C1orf146: variants seen among roughly 807,000 people sequenced by gnomAD.
C1orf146 encodes chromosome 1 open reading frame 146.
Under a neutral mutation model 23.0 loss-of-function variants are expected in C1orf146, and 22 were observed. The observed-to-expected ratio is 0.96, with a 90% CI of 0.68 to 1.36. The LOEUF (loss-of-function observed/expected upper bound fraction) is 1.36. Among genes scored for constraint, C1orf146 ranks in the 40% most tolerant of loss-of-function variants. C1orf146 has a pLI of 0.00. For synonymous variants in C1orf146, 59 were observed against 65.3 expected (o/e 0.90, Z 0.47); for missense variants, 199 against 206.8 (o/e 0.96, Z 0.23).
At chr1:92,242,669 T>C (rs2100749568) in intron 3 of C1orf146, among the ~76,000 whole-genome samples, 1 of 152,344 alleles carries the variant, frequency 6.6e-6, no homozygotes, top group African/African-American at 2.4e-5. Flanking sequence ...TAGAATGTTT[T>C]CCATTAATTT....
Position 92,233,122 on chromosome 1 carries a change from C to T in C1orf146, c.66+1636C>T, listed in dbSNP as rs372562195. 1.5e-4 allele frequency among the ~76,000 whole-genome samples: 23 copies of T among 152,264 alleles called. No individual in the cohort carries two copies. The East Asian group carries it at 1.9e-3, about 13-fold the overall frequency. ...GAAGCTCTTTAGTTTAATTAGATCCCATTTGTCAATTTTGGCTTTTGTTGC... is the reference window on the plus strand; with the variant it reads ...GAAGCTCTTTAGTTTAATTAGATCCTATTTGTCAATTTTGGCTTTTGTTGC... On this transcript the variant is annotated intron_variant, in intron 2 of 5. Transcript: ENST00000370375.
chr1:92,238,760 G>T (rs892536123), intron 2 of C1orf146, among the ~76,000 whole-genome samples: 1 of 152,076 alleles, frequency 6.6e-6, no homozygotes, highest in African/African-American at 2.4e-5. Flanking sequence ...GCTGACTTGT[G>T]TATACCTTAC....
At chr1:92,220,340 A>G (rs1252054762) in intron 1 of C1orf146, among the ~76,000 whole-genome samples, 1 of 152,180 alleles carries the variant, frequency 6.6e-6, no homozygotes. Flanking sequence ...CTGGGTATAT[A>G]CACATACAGT....
chr1:92,224,347 C>T (rs1651913538), intron 1 of C1orf146, among the ~76,000 whole-genome samples: 1 of 152,034 alleles, frequency 6.6e-6, no homozygotes, highest in Non-Finnish European at 1.5e-5. Context: ...CATGCTCGGC[C>T]AGAGAGAAGT....
intron 5 of C1orf146, 133 bp downstream of exon 5, chr1:92,244,990 C>T: frequency 1.8e-6 from 1 of 545,482 alleles, no homozygotes; most frequent in East Asian, 3.0e-5. Flanking sequence ...TTTCAGGGTG[C>T]AACTTTTTCC....
chr1:92,230,971 G>A (rs1011867597), intron 1 of C1orf146, among the ~76,000 whole-genome samples: 1 of 152,176 alleles, frequency 6.6e-6, no homozygotes, highest in Non-Finnish European at 1.5e-5. Context: ...TTGGGCTTGA[G>A]GAACTAGTGT....
At chr1:92,230,615 CAAAA>C (rs758993794) in intron 1 of C1orf146, among the ~76,000 whole-genome samples, 1,517 of 123,312 alleles carry the variant, frequency 0.012, 30 homozygotes, top group African/African-American at 0.042. Context: ...GATTCCGTCT[CAAAA>C]AAAAAAAAAA....
At chr1:92,234,832 A>C (rs1041855634) in intron 2 of C1orf146, among the ~76,000 whole-genome samples, 2 of 152,272 alleles carry the variant, frequency 1.3e-5, no homozygotes, top group South Asian at 2.1e-4. Context: ...TTCCTGGTTT[A>C]GTCTTGGGAG....
chr1:92,222,861 C>T (rs2100726946), intron 1 of C1orf146, among the ~76,000 whole-genome samples: 1 of 152,198 alleles, frequency 6.6e-6, no homozygotes, highest in African/African-American at 2.4e-5. Flanking sequence ...GCTGGGATTA[C>T]AGGTGTGAGC....
At position 92,245,746 on chromosome 1, in the gene C1orf146, CTATT is replaced by C. The variant is rs928211531; in HGVS notation, c.*75_*78del. Reference sequence around the variant, plus strand: ...CTGTTAAATTATAATATTCAAATATCTATTTAAAGACATTTATATTAATTTGAAA... The same window carrying C: ...CTGTTAAATTATAATATTCAAATATCTAAAGACATTTATATTAATTTGAAA... On this transcript the variant is annotated 3_prime_UTR_variant, in exon 6 of 6. Transcript: ENST00000370375. 66 of 895,942 alleles carry C rather than the reference CTATT, an allele frequency of 7.4e-5. 1 individual carries two copies. Among genetic ancestry groups the C allele is most frequent in the Non-Finnish European group, 9.7e-5 (59 of 610,794 alleles). 55.5% of individuals were successfully genotyped at this position (895,942 alleles called of 1,614,324 possible).
At position 92,244,385 on chromosome 1, in the gene C1orf146, G is replaced by A; in HGVS notation, c.329G>A (p.Arg110Lys). The A allele has an allele frequency of 6.3e-7, 1 of 1,581,614 alleles. No homozygotes were observed. Among genetic ancestry groups the A allele is most frequent in the Non-Finnish European group, 8.5e-7 (1 of 1,169,778 alleles). Residue 110 changes from arginine to lysine, a missense_variant and splice_region_variant, in exon 4 of 6, where the codon AGA (arginine) becomes AAA (lysine). Physicochemically the swap from Arg to Lys is conservative, Grantham distance 26 (BLOSUM62 2). Transcript: ENST00000370375. ...EWKLMFRIQQRFLGCNLRILP... is the reference protein window; with the variant it reads ...EWKLMFRIQQKFLGCNLRILP... ...AAACTGATGTTCAGGATTCAGCAGA[G>A]GTATGGAAGAATAGCATTATAGACT...
chr1:92,242,282 G>T lies in C1orf146; in HGVS notation c.137G>T (p.Gly46Val). 1.3e-6 allele frequency: 2 copies of T among 1,594,352 alleles called. No homozygotes were observed. The highest frequency in any genetic ancestry group is 1.1e-5 in the South Asian group (1 of 88,294). ...KVRYSDSVENGSIIFSLSGVA... is the reference protein window; with the variant it reads ...KVRYSDSVENVSIIFSLSGVA... Reference sequence around the variant, plus strand: ...CGATATTCAGATTCAGTGGAAAATGGATCAATTATATTTTCTCTTTCTGGT... The same window carrying T: ...CGATATTCAGATTCAGTGGAAAATGTATCAATTATATTTTCTCTTTCTGGT... Residue 46 changes from glycine (G) to valine (V), a missense_variant, in exon 3 of 6, where the codon GGA (glycine) becomes GTA (valine). Physicochemically the swap from Gly to Val is moderately radical, Grantham distance 109. Transcript: ENST00000370375.
chr1:92,228,498 G>A (rs1340376381), intron 1 of C1orf146, among the ~76,000 whole-genome samples: 2 of 152,080 alleles, frequency 1.3e-5, no homozygotes, highest in Admixed American at 6.6e-5. Flanking sequence ...TTCCTCCATA[G>A]GGGATTTACT....
intron 1 of C1orf146, among the ~76,000 whole-genome samples, chr1:92,228,268 G>A (rs550179997): frequency 2.0e-5 from 3 of 151,968 alleles, no homozygotes; most frequent in East Asian, 1.9e-4. Context: ...TGCTCCAATT[G>A]TCATATACTG....
chr1:92,240,449 T>C (rs1652405196), intron 2 of C1orf146, among the ~76,000 whole-genome samples: 1 of 152,180 alleles, frequency 6.6e-6, no homozygotes, highest in African/African-American at 2.4e-5. Flanking sequence ...CTGGAAGCAT[T>C]ATATAATTTT....
intron 3 of C1orf146, among the ~76,000 whole-genome samples, 188 bp downstream of exon 3, chr1:92,242,493 G>A (rs1323370743): frequency 1.3e-5 from 2 of 151,972 alleles, no homozygotes; most frequent in African/African-American, 4.8e-5. Context: ...GATTACAATT[G>A]TTAAAATAAA....
Position 92,245,541 on chromosome 1 carries a change from C to T in C1orf146, c.410C>T (p.Thr137Ile). 1 of 1,588,954 alleles carries T rather than the reference C, an allele frequency of 6.3e-7. No individual in the cohort carries two copies. Among genetic ancestry groups the T allele is most frequent in the Non-Finnish European group, 8.5e-7 (1 of 1,170,580 alleles). Residue 137 changes from threonine to isoleucine, a missense_variant and splice_region_variant, in exon 6 of 6, where the codon ACT becomes ATT. Physicochemically the swap from Thr to Ile is moderately conservative, Grantham distance 89 (BLOSUM62 -1). Coordinates refer to ENST00000370375, the MANE Select transcript of C1orf146 (RefSeq NM_001012425.2). Reference sequence around the variant, plus strand: ...CTGCATCTTTATATCTTCTTCCAGACTACCTCCAAACCATACATAGATAGC... The same window carrying T: ...CTGCATCTTTATATCTTCTTCCAGATTACCTCCAAACCATACATAGATAGC... The part of the protein sequence containing the change: ...AINLMCTIAK[T>I]TSKPYIDSIC...
At chr1:92,227,756 G>A (rs1345028836) in intron 1 of C1orf146, among the ~76,000 whole-genome samples, 1 of 151,490 alleles carries the variant, frequency 6.6e-6, no homozygotes, top group East Asian at 1.9e-4. Flanking sequence ...TAGCTACCAT[G>A]TTTCTATTGA....
chr1:92,231,948 G>C (rs1652132752), intron 2 of C1orf146, among the ~76,000 whole-genome samples: 3 of 152,034 alleles, frequency 2.0e-5, no homozygotes. Flanking sequence ...AAACTCCTCA[G>C]CTCACAAGAC....
Sources: gnomAD v4.1 joint callset for allele counts (sites outside exome capture counted in the v4.1 genomes callset) on GRCh38, gnomAD v4.1.1 for gene constraint, MANE v1.5 for transcripts, NCBI Gene and HGNC (gene_info 2026-07-23, HGNC 2026-07-21) for gene names.